Variants in HERC3 observed in about 807,000 individuals in gnomAD.
The protein encoded by HERC3 is HECT and RLD domain containing E3 ubiquitin protein ligase 3, also known as probable E3 ubiquitin-protein ligase HERC3.
A neutral mutation model predicts 129.9 loss-of-function variants in HERC3; 58 were observed. The observed-to-expected ratio is 0.45, with a 90% CI of 0.36 to 0.56. The LOEUF is 0.56. Ranked by LOEUF, HERC3 falls within the 20% of genes least tolerant of loss-of-function variation. The pLI is 0.00. For missense variants in HERC3, 835 were observed against 1,244.2 expected (o/e 0.67, Z 4.95); for synonymous variants, 430 against 451.0 (o/e 0.95, Z 0.59).
At chr4:88,694,213 G>A (rs1350574337) in intron 23 of HERC3, among the ~76,000 whole-genome samples, 8 of 152,188 alleles carry the variant, frequency 5.3e-5, no homozygotes, top group Non-Finnish European at 8.8e-5. Flanking sequence ...TCAGGAACAC[G>A]CAGCATTAGG....
At chr4:88,525,446 G>T in the HERC3 span, among the ~76,000 whole-genome samples, 3 of 152,212 alleles carry the variant, frequency 2.0e-5, no homozygotes, top group African/African-American at 7.2e-5. Flanking sequence ...TTCTGCAAGC[G>T]CTGAGTGGGC....
At chr4:88,548,302 T>C in the HERC3 span, among the ~76,000 whole-genome samples, 2 of 152,238 alleles carry the variant, frequency 1.3e-5, no homozygotes, top group Non-Finnish European at 2.9e-5. Context: ...TGCACCATTT[T>C]ATCTCTACCA....
the HERC3 span, chr4:88,527,308 G>T: frequency 6.7e-6 from 1 of 149,632 alleles, no homozygotes; most frequent in Non-Finnish European, 1.5e-5. Context: ...CTGGAGTGCA[G>T]TGGCTCCATC....
intron 14 of HERC3, among the ~76,000 whole-genome samples, chr4:88,669,261 C>CA (rs1731362350): frequency 6.6e-6 from 1 of 152,160 alleles, no homozygotes; most frequent in Non-Finnish European, 1.5e-5. Flanking sequence ...AAGGAAATCT[C>CA]AGACATACTA....
chr4:88,604,411 T>C (rs547139544), intron 2 of HERC3, among the ~76,000 whole-genome samples: 1 of 152,346 alleles, frequency 6.6e-6, no homozygotes, highest in Non-Finnish European at 1.5e-5. Flanking sequence ...TTAGAACATT[T>C]TACCACTTTC....
intron 23 of HERC3, among the ~76,000 whole-genome samples, chr4:88,695,032 C>A (rs1345376806): frequency 6.6e-6 from 1 of 152,108 alleles, no homozygotes; most frequent in African/African-American, 2.4e-5. Flanking sequence ...ATCGTTTTTG[C>A]TTTTTACTGG....
chr4:88,595,100 C>CAAAAAAAAAAAAAAAAAA (rs758727600), intron 1 of HERC3, among the ~76,000 whole-genome samples: 1 of 60,084 alleles, frequency 1.7e-5, no homozygotes, highest in Non-Finnish European at 2.9e-5. Flanking sequence ...GACTCTGTCT[C>CAAAAAAAAAAAAAAAAAA]AAAAAAAAAA....
chr4:88,599,975 C>A (rs191250834), intron 2 of HERC3, among the ~76,000 whole-genome samples: 1 of 152,250 alleles, frequency 6.6e-6, no homozygotes, highest in Non-Finnish European at 1.5e-5. Context: ...CATAGTGTCT[C>A]TTTCTTTTCC....
chr4:88,536,766 T>TC, the HERC3 span, among the ~76,000 whole-genome samples: 3 of 151,670 alleles, frequency 2.0e-5, no homozygotes, highest in Admixed American at 2.0e-4. Context: ...CACAATGAAT[T>TC]TTTTTTCAAT....
the HERC3 span, among the ~76,000 whole-genome samples, chr4:88,577,605 G>GTATATATATATATATATATA: frequency 5.3e-3 from 697 of 131,810 alleles, 33 homozygotes; most frequent in South Asian, 0.087. Context: ...GTATGTGTGT[G>GTATATATATATATATATATA]TATATATATA....
chr4:88,564,308 G>A, the HERC3 span, among the ~76,000 whole-genome samples: 1 of 152,188 alleles, frequency 6.6e-6, no homozygotes, highest in African/African-American at 2.4e-5. Context: ...CTCACAGAAT[G>A]AGTTTGGAAG....
At chr4:88,643,494 G>C (rs1244384441) in intron 3 of HERC3, among the ~76,000 whole-genome samples, 1 of 152,174 alleles carries the variant, frequency 6.6e-6, no homozygotes, top group Non-Finnish European at 1.5e-5. Context: ...GCTTACTATA[G>C]AGGTATAGTA....
chr4:88,637,310 C>T (rs1410932939), intron 3 of HERC3, among the ~76,000 whole-genome samples: 1 of 152,036 alleles, frequency 6.6e-6, no homozygotes, highest in Non-Finnish European at 1.5e-5. Flanking sequence ...CCTGTGGTCC[C>T]AGCTACTCAG....
chr4:88,703,022 T>C (rs1393167613), intron 23 of HERC3, among the ~76,000 whole-genome samples: 1 of 152,220 alleles, frequency 6.6e-6, no homozygotes, highest in Admixed American at 6.5e-5. Context: ...GCAGGCAGCC[T>C]GATTGCCATC....
intron 3 of HERC3, among the ~76,000 whole-genome samples, chr4:88,630,525 A>G (rs1726627826): frequency 6.6e-6 from 1 of 152,172 alleles, no homozygotes; most frequent in African/African-American, 2.4e-5. Flanking sequence ...TATGTACCCA[A>G]GCAGGCCGTG....
the HERC3 span, chr4:88,527,699 C>A: frequency 3.3e-6 from 1 of 299,988 alleles, no homozygotes; most frequent in Non-Finnish European, 6.5e-6. Context: ...TCCATTATCA[C>A]GGTGGTTGCC....
At chr4:88,644,094 G>C (rs1391671540) in intron 3 of HERC3, among the ~76,000 whole-genome samples, 1 of 152,144 alleles carries the variant, frequency 6.6e-6, no homozygotes, top group Non-Finnish European at 1.5e-5. Context: ...CATTATACTT[G>C]TTAGAATGGG....
chr4:88,524,529 A>G, the HERC3 span, among the ~76,000 whole-genome samples: 1 of 152,200 alleles, frequency 6.6e-6, no homozygotes, highest in South Asian at 2.1e-4. Flanking sequence ...AGTGTAGTAG[A>G]TGGGAACTTG....
chr4:88,607,769 C>G (rs1403536308), intron 3 of HERC3, among the ~76,000 whole-genome samples: 1 of 152,136 alleles, frequency 6.6e-6, no homozygotes, highest in Non-Finnish European at 1.5e-5. Flanking sequence ...GTTCCTGGCC[C>G]TATTTTTACT....
Sources: allele counts gnomAD v4.1 joint callset (sites outside exome capture counted in the v4.1 genomes callset), GRCh38; gene constraint gnomAD v4.1.1; transcripts MANE v1.5; gene names NCBI Gene and HGNC (gene_info 2026-07-23, HGNC 2026-07-21).